PPHLN1: variants seen among roughly 807,000 people sequenced by gnomAD.
PPHLN1 encodes the protein periphilin 1.
PPHLN1 carries 29 observed loss-of-function variants against 51.3 expected under a neutral mutation model. That is an observed-to-expected ratio of 0.57 (90% CI 0.42 to 0.77). PPHLN1 has a LOEUF of 0.77. Ranked by LOEUF, PPHLN1 falls within the 30% of genes least tolerant of loss-of-function variation. The pLI is 0.00. For synonymous variants in PPHLN1, 147 were observed against 147.8 expected (o/e 0.99, Z 0.04); for missense variants, 436 against 438.4 (o/e 0.99, Z 0.05).
chr12:42,360,617 T>G (rs1320726879), intron 4 of PPHLN1, among the ~76,000 whole-genome samples: 1 of 151,726 alleles, frequency 6.6e-6, no homozygotes, highest in Non-Finnish European at 1.5e-5. Context: ...TGCCTCAGCC[T>G]CCAAGTAGCT....
intron 9 of PPHLN1, among the ~76,000 whole-genome samples, chr12:42,439,664 C>T (rs1225495753): frequency 3.9e-5 from 6 of 152,162 alleles, no homozygotes; most frequent in Admixed American, 3.9e-4. Flanking sequence ...CAGACAGTGC[C>T]ATCATGCCCA....
rs185013478 is a variant in PPHLN1 at position 42,340,878 on chromosome 12, G to T, written c.72+4904G>T. 1.6e-3 allele frequency among the ~76,000 whole-genome samples: 249 copies of T among 152,146 alleles called. 2 individuals are homozygous for T. The highest frequency in any genetic ancestry group is 5.2e-3 in the African/African-American group (216 of 41,522). ...GATAACCCACTATCGTTAGTGCTTG[G>T]AATAGAGGAAGGTAACATTCTATTT... On this transcript the variant is annotated intron_variant, in intron 2 of 9. Coordinates refer to ENST00000358314, the MANE Select transcript of PPHLN1 (RefSeq NM_201439.2).
intron 3 of PPHLN1, among the ~76,000 whole-genome samples, chr12:42,353,053 C>T (rs2073585284): frequency 6.6e-6 from 1 of 151,584 alleles, no homozygotes; most frequent in Non-Finnish European, 1.5e-5. Flanking sequence ...CGCGCCACTG[C>T]ACTCCAGCCT....
chr12:42,376,454 A>C (rs1437870008), intron 5 of PPHLN1, among the ~76,000 whole-genome samples: 1 of 152,188 alleles, frequency 6.6e-6, no homozygotes, highest in East Asian at 1.9e-4. Flanking sequence ...AGGTATATTA[A>C]TGATGATGCA....
chr12:42,442,590 T>TAA, downstream of PPHLN1: 1 of 1,611,168 alleles, frequency 6.2e-7, no homozygotes, highest in Non-Finnish European at 8.5e-7. Context: ...TAGCCATTCT[T>TAA]ACACAAAATA....
rs1477788841 is a variant in PPHLN1 at position 42,368,751 on chromosome 12, T to TAGAGAACAA, written c.300-6110_300-6102dup. ...GAAAGGCTTTTTGTCAGATCTCTGG[T>TAGAGAACAA]AGAGAACAAAATATGAACCAGCCAA... On this transcript the variant is annotated intron_variant, in intron 4 of 9. Transcript: ENST00000358314. Among the ~76,000 whole-genome samples, 13 of 152,350 alleles carry TAGAGAACAA rather than the reference T, an allele frequency of 8.5e-5. No individual in the cohort carries two copies. In the East Asian group the frequency reaches 2.5e-3, roughly 29 times the overall value.
At position 42,413,787 on chromosome 12, in the gene PPHLN1, T is replaced by C. The variant is rs12316945; in HGVS notation, c.909+14793T>C. 4.6e-3 allele frequency among the ~76,000 whole-genome samples: 706 copies of C among 152,100 alleles called. 9 individuals are homozygous for C. Among genetic ancestry groups the C allele is most frequent in the African/African-American group, 0.016 (681 of 41,474 alleles). On this transcript the variant is annotated intron_variant, in intron 9 of 9. Coordinates refer to ENST00000358314, the MANE Select transcript of PPHLN1 (RefSeq NM_201439.2). ...CATGTTGTCCAGGCTGGCCTCAAAC[T>C]TCTGACCACAAGTGATCCGCCCACC...
intron 2 of PPHLN1, among the ~76,000 whole-genome samples, chr12:42,348,311 G>A (rs1042497284): frequency 1.1e-4 from 12 of 112,136 alleles, no homozygotes; most frequent in Admixed American, 9.2e-4. Context: ...TAGTAGAAAC[G>A]GGGTTTCACC....
chr12:42,379,518 C>G (rs987000226), intron 5 of PPHLN1, among the ~76,000 whole-genome samples: 2 of 150,536 alleles, frequency 1.3e-5, no homozygotes, highest in African/African-American at 4.9e-5. Flanking sequence ...GTTTCCAGAC[C>G]TTTTGCTTTC....
chr12:42,408,238 GC>G (rs2079489588), intron 9 of PPHLN1, among the ~76,000 whole-genome samples: 1 of 151,934 alleles, frequency 6.6e-6, no homozygotes, highest in Admixed American at 6.6e-5. Context: ...AGGTATGGTG[GC>G]TCACGCCTGT....
intron 5 of PPHLN1, among the ~76,000 whole-genome samples, chr12:42,382,678 A>G (rs1489727449): frequency 1.3e-5 from 2 of 152,336 alleles, no homozygotes; most frequent in East Asian, 1.9e-4. Context: ...AAAAAAGATT[A>G]AGGTTAGTAG....
chr12:42,427,194 G>T (rs2081579138), intron 9 of PPHLN1, among the ~76,000 whole-genome samples: 1 of 152,112 alleles, frequency 6.6e-6, no homozygotes, highest in African/African-American at 2.4e-5. Context: ...CTGTGAAATT[G>T]TAAAAAGATT....
chr12:42,366,543 T>G (rs2075293487), intron 4 of PPHLN1, among the ~76,000 whole-genome samples: 1 of 151,034 alleles, frequency 6.6e-6, no homozygotes, highest in Admixed American at 6.6e-5. Context: ...TTTTTTTTGT[T>G]TTTGTTTTTG....
chr12:42,433,886 T>C (rs1439856332), intron 9 of PPHLN1, among the ~76,000 whole-genome samples: 1 of 152,122 alleles, frequency 6.6e-6, no homozygotes, highest in African/African-American at 2.4e-5. Context: ...ATGATAGATA[T>C]TACTATCTAT....
chr12:42,334,918 T>C (rs745813191), intron 1 of PPHLN1, among the ~76,000 whole-genome samples: 7 of 152,240 alleles, frequency 4.6e-5, no homozygotes, highest in Non-Finnish European at 1.0e-4. Context: ...GTATTGTCTA[T>C]GGGTGGAGAT....
intron 4 of PPHLN1, among the ~76,000 whole-genome samples, chr12:42,373,127 C>T (rs1351358443): frequency 6.6e-6 from 1 of 152,160 alleles, no homozygotes; most frequent in Admixed American, 6.5e-5. Context: ...TAATGTCAGC[C>T]TCTCCTATTA....
At chr12:42,356,859 T>C (rs1051243654) in intron 4 of PPHLN1, among the ~76,000 whole-genome samples, 1 of 152,048 alleles carries the variant, frequency 6.6e-6, no homozygotes, top group Non-Finnish European at 1.5e-5. Flanking sequence ...AAGCGAAAAA[T>C]AAATAAGTTG....
intron 4 of PPHLN1, chr12:42,374,607 A>AT (rs35683626): frequency 0.34 from 54,280 of 160,208 alleles, 10,493 homozygotes; most frequent in East Asian, 0.42. Flanking sequence ...CGCCCAGCTA[A>AT]TTTTTTTTTT....
chr12:42,331,198 T>C (rs1218609539), intron 1 of PPHLN1, among the ~76,000 whole-genome samples: 1 of 152,250 alleles, frequency 6.6e-6, no homozygotes, highest in Non-Finnish European at 1.5e-5. Context: ...TCTAGTTGGC[T>C]ATCAATAGTT....
Sources: gnomAD v4.1 joint callset for allele counts (sites outside exome capture counted in the v4.1 genomes callset) on GRCh38, gnomAD v4.1.1 for gene constraint, MANE v1.5 for transcripts, NCBI Gene and HGNC (gene_info 2026-07-23, HGNC 2026-07-21) for gene names.